The following CARF variants were observed in gnomAD, a reference collection of about 807,000 sequenced individuals.
The protein encoded by CARF is calcium-responsive transcription factor.
CARF carries 57 observed loss-of-function variants against 82.0 expected under a neutral mutation model. The ratio of observed to expected loss-of-function variants is 0.70; its 90% confidence interval spans 0.56 to 0.87. The LOEUF is 0.87. Among genes scored for constraint, CARF ranks in the 40% least tolerant of loss-of-function variants. The pLI is 0.00. For missense variants in CARF, 771 were observed against 855.8 expected, an observed-to-expected ratio of 0.90 and a Z score of 1.24; for synonymous variants, 268 against 290.1, an observed-to-expected ratio of 0.92 and a Z score of 0.77.
chr2:202,914,214 C>G (rs1232596126), intron 1 of CARF, among the ~76,000 whole-genome samples: 1 of 152,084 alleles, frequency 6.6e-6, no homozygotes, highest in Non-Finnish European at 1.5e-5. Flanking sequence ...CATGGAGACA[C>G]ATTGTTATCT....
In CARF at chr2:202,987,608, A is replaced by G. The variant is rs907758021; in HGVS notation, c.*3984A>G. 6.6e-6 allele frequency among the ~76,000 whole-genome samples: 1 copy of G among 152,218 alleles called. No individual in the cohort carries two copies. Among genetic ancestry groups the G allele is most frequent in the Non-Finnish European group, 1.5e-5 (1 of 68,034 alleles). On this transcript the variant is annotated 3_prime_UTR_variant, in exon 17 of 17. Coordinates refer to ENST00000438828, the MANE Select transcript of CARF (RefSeq NM_024744.17). ...ATAAATTTTACTGTTGAATAATACA[A>G]GTATTCATTGCTGACTGAATTCTTA...
At chr2:202,955,447 G>A (rs928508377) in intron 7 of CARF, among the ~76,000 whole-genome samples, 6 of 152,182 alleles carry the variant, frequency 3.9e-5, no homozygotes, top group Admixed American at 2.6e-4. Flanking sequence ...TTGGGACTAC[G>A]TGTATCTGGA....
chr2:202,918,420 C>T (rs886659962), intron 2 of CARF, among the ~76,000 whole-genome samples: 2 of 152,106 alleles, frequency 1.3e-5, no homozygotes, highest in Non-Finnish European at 2.9e-5. Context: ...ACTCTGGAGG[C>T]TGAGGCAGGA....
At position 202,974,826 on chromosome 2, in the gene CARF, G is replaced by A. The variant is rs573921246; in HGVS notation, c.1494+330G>A. 5.9e-5 allele frequency among the ~76,000 whole-genome samples: 9 copies of A among 152,176 alleles called. No homozygotes were observed. The South Asian group carries it at 1.9e-3, about 32-fold the overall frequency. Reference sequence around the variant, plus strand: ...AGGCAGGAGAATCACTTGAACTCAGGAGGCGGAGTTTGCAGTGAGCTGAGA... The same window carrying A: ...AGGCAGGAGAATCACTTGAACTCAGAAGGCGGAGTTTGCAGTGAGCTGAGA... On this transcript the variant is annotated intron_variant, in intron 13 of 16. Transcript: ENST00000438828.
rs1160059623 is a variant in CARF at position 202,984,493 on chromosome 2, A to AT, written c.*875dup. ...GAAAACTTTTTGATGACAGCAGAGG[A>AT]TTTTTTCCCCCTTATTTTGTAATGA... On this transcript the variant is annotated 3_prime_UTR_variant, in exon 17 of 17. Coordinates refer to ENST00000438828, the MANE Select transcript of CARF (RefSeq NM_024744.17). The AT allele has an allele frequency of 2.0e-5, 3 of 152,128 alleles. No homozygotes were observed. The highest frequency in any genetic ancestry group is 4.4e-5 in the Non-Finnish European group (3 of 68,004). The allele number at this position is 152,128 out of a possible 1,614,324, so 9.4% of individuals were successfully genotyped here.
At chr2:202,949,413 C>T (rs1043032895) in intron 5 of CARF, among the ~76,000 whole-genome samples, 1 of 151,738 alleles carries the variant, frequency 6.6e-6, no homozygotes, top group African/African-American at 2.4e-5. Context: ...ATCATAGCCT[C>T]CAGAGTAGCT....
rs201292369 is a variant in CARF at position 202,982,378 on chromosome 2, C to T, written c.1996C>T (p.Arg666Trp). 2.2e-5 allele frequency: 36 copies of T among 1,614,080 alleles called. No individual in the cohort carries two copies. Among genetic ancestry groups the T allele is most frequent in the South Asian group, 7.7e-5 (7 of 91,080 alleles). The change falls in exon 16 of 17, where the codon CGG becomes TGG. Residue 666 changes from arginine (R) to tryptophan (W), a missense_variant. Coordinates refer to ENST00000438828, the MANE Select transcript of CARF (RefSeq NM_024744.17). The part of the protein sequence containing the change: ...DTGNLEGTVH[R>W]ILLGDVQTIP... ...AGGGAATCTGGAAGGAACTGTTCAT[C>T]GGATTCTGTTGGGAGATGTGCAGAC...
At chr2:202,962,765 A>G (rs1232076046) in intron 9 of CARF, 1 of 152,070 alleles carries the variant, frequency 6.6e-6, no homozygotes, top group Non-Finnish European at 1.5e-5. Context: ...ATTTATTGGT[A>G]TTGATAGTTA....
intron 3 of CARF, among the ~76,000 whole-genome samples, chr2:202,935,101 A>AATATATAATTATAAATAATT (rs1553555097): frequency 9.5e-5 from 13 of 136,818 alleles, no homozygotes; most frequent in East Asian, 4.2e-4. Context: ...TATTATATAT[A>AATATATAATTATAAATAATT]ATATATAATT....
chr2:202,966,184 A>G (rs2105898384), intron 9 of CARF, among the ~76,000 whole-genome samples: 1 of 152,260 alleles, frequency 6.6e-6, no homozygotes, highest in South Asian at 2.1e-4. Flanking sequence ...CACTTTGGCC[A>G]TATTTATTAA....
At chr2:202,929,800 C>T (rs1559196418) in intron 3 of CARF, among the ~76,000 whole-genome samples, 2 of 151,784 alleles carry the variant, frequency 1.3e-5, no homozygotes, top group Non-Finnish European at 2.9e-5. Context: ...GCTACAGTAC[C>T]CAGACTGGCC....
At chr2:202,971,782 T>C (rs1157988875) in intron 12 of CARF, 44 bp downstream of exon 12, 1 of 1,483,088 alleles carries the variant, frequency 6.7e-7, no homozygotes, top group Admixed American at 1.7e-5. Context: ...TCAGTTTTGT[T>C]TGTTGCTTTA....
chr2:202,949,132 G>A (rs377377282), intron 5 of CARF, among the ~76,000 whole-genome samples: 34 of 152,210 alleles, frequency 2.2e-4, no homozygotes, highest in Admixed American at 8.5e-4. Context: ...TCAGGAGTCC[G>A]AGACTAGACT....
chr2:202,948,469 T>C (rs2105829301), intron 5 of CARF, among the ~76,000 whole-genome samples: 1 of 152,314 alleles, frequency 6.6e-6, no homozygotes, highest in East Asian at 1.9e-4. Context: ...ATGATATTGA[T>C]TCTTTCTGTC....
Position 202,974,429 on chromosome 2 carries a change from T to C in CARF, c.1427T>C (p.Ile476Thr). The C allele has an allele frequency of 6.2e-7, 1 of 1,608,988 alleles. No individual in the cohort carries two copies. The highest frequency in any genetic ancestry group is 8.5e-7 in the Non-Finnish European group (1 of 1,178,628). The change falls in exon 13 of 17, where the codon ATC becomes ACC. Residue 476 changes from isoleucine to threonine, a missense_variant. Coordinates refer to ENST00000438828, the MANE Select transcript of CARF (RefSeq NM_024744.17). ...FPTVNDIKNH[I>T]HEVQKSLRNG... ...ACTGTAAATGATATAAAAAATCACA[T>C]CCATGAGGTACAGAAATCCTTGAGA...
intron 9 of CARF, 59 bp from the exon 10 acceptor site, chr2:202,966,919 C>G (rs894943058): frequency 3.2e-5 from 48 of 1,520,240 alleles, no homozygotes; most frequent in Non-Finnish European, 4.0e-5. Flanking sequence ...TACTTTTAAT[C>G]TAGTGTCTAG....
In CARF at chr2:202,964,330, AGTACAGTGGT is replaced by A. The variant is rs1197006670; in HGVS notation, c.833-2645_833-2636del. On this transcript the variant is annotated intron_variant, in intron 9 of 16. Coordinates refer to ENST00000438828, the MANE Select transcript of CARF (RefSeq NM_024744.17). Reference sequence around the variant, plus strand: ...GGTCTCACTCTGTCACCCAGGCTGGAGTACAGTGGTGTGATCTCAGCTCACTGCAATCTCA... The same window carrying A: ...GGTCTCACTCTGTCACCCAGGCTGGAGTGATCTCAGCTCACTGCAATCTCA... 2.0e-5 allele frequency among the ~76,000 whole-genome samples: 3 copies of A among 152,064 alleles called. No homozygotes were observed. In the East Asian group the frequency reaches 5.8e-4, roughly 29 times the overall value.
At chr2:202,958,038 T>G (rs2059131620) in intron 8 of CARF, among the ~76,000 whole-genome samples, 1 of 152,170 alleles carries the variant, frequency 6.6e-6, no homozygotes, top group Non-Finnish European at 1.5e-5. Flanking sequence ...CCATGCCTAC[T>G]CTATATACAA....
intron 6 of CARF, among the ~76,000 whole-genome samples, chr2:202,953,514 T>TTTTTTTTTTTTTTC: frequency 6.8e-6 from 1 of 148,062 alleles, no homozygotes; most frequent in Non-Finnish European, 1.5e-5. Flanking sequence ...TTTTTTTTTT[T>TTTTTTTTTTTTTTC]TTTGCTTTCC....
Sources: gnomAD v4.1 joint callset for allele counts (sites outside exome capture counted in the v4.1 genomes callset) on GRCh38, gnomAD v4.1.1 for gene constraint, MANE v1.5 for transcripts, NCBI Gene and HGNC (gene_info 2026-07-23, HGNC 2026-07-21) for gene names.